Variants in GHR observed in about 807,000 individuals in gnomAD.
GHR encodes GH receptor.
A neutral mutation model predicts 67.1 loss-of-function variants in GHR; 35 were observed. The observed-to-expected ratio is 0.52, with a 90% CI of 0.40 to 0.69. GHR has a LOEUF of 0.69. Among genes scored for constraint, GHR ranks in the 30% least tolerant of loss-of-function variants. GHR has a pLI of 0.00. For missense variants in GHR, 792 were observed against 764.6 expected (o/e 1.04, Z -0.42); for synonymous variants, 272 against 269.1 (o/e 1.01, Z -0.10).
At chr5:42,457,448 A>C (rs1366957754) in intron 1 of GHR, among the ~76,000 whole-genome samples, 1 of 152,216 alleles carries the variant, frequency 6.6e-6, no homozygotes, top group Non-Finnish European at 1.5e-5. Flanking sequence ...CAGTGTTCCA[A>C]GTGATTTGCG....
At chr5:42,534,274 A>ATGTG (rs1748135124) in intron 1 of GHR, among the ~76,000 whole-genome samples, 1 of 136,204 alleles carries the variant, frequency 7.3e-6, no homozygotes, top group Non-Finnish European at 1.5e-5. Context: ...ATATGTGTAT[A>ATGTG]TATGTATATA....
chr5:42,512,959 C>G (rs750769916), intron 1 of GHR, among the ~76,000 whole-genome samples: 1 of 152,096 alleles, frequency 6.6e-6, no homozygotes, highest in Non-Finnish European at 1.5e-5. Flanking sequence ...CTTTGATGTC[C>G]TGAACTTATG....
intron 1 of GHR, among the ~76,000 whole-genome samples, chr5:42,500,917 G>T (rs879610671): frequency 2.6e-5 from 4 of 152,158 alleles, no homozygotes; most frequent in Non-Finnish European, 5.9e-5. Context: ...TGTGAGGTAC[G>T]TTTTAGAATA....
chr5:42,566,254 T>C (rs150684407), intron 2 of GHR, among the ~76,000 whole-genome samples: 1 of 152,316 alleles, frequency 6.6e-6, no homozygotes, highest in African/African-American at 2.4e-5. Context: ...GGGAGAGATA[T>C]TGAAATTACA....
At chr5:42,704,769 G>A (rs1758094728) in intron 6 of GHR, among the ~76,000 whole-genome samples, 2 of 151,938 alleles carry the variant, frequency 1.3e-5, no homozygotes, top group African/African-American at 2.4e-5. Flanking sequence ...GTAGGTTGTT[G>A]TGTGTAGGAA....
chr5:42,631,184 G>A (rs1191475096), intron 3 of GHR, among the ~76,000 whole-genome samples: 3 of 152,136 alleles, frequency 2.0e-5, no homozygotes, highest in Non-Finnish European at 4.4e-5. Context: ...ACAGCCTCTA[G>A]GTATGGAGGA....
chr5:42,657,956 C>T (rs1035744408), intron 3 of GHR, among the ~76,000 whole-genome samples: 2 of 152,090 alleles, frequency 1.3e-5, no homozygotes, highest in Admixed American at 6.6e-5. Context: ...CTTATTTTCC[C>T]AACCAGGCTG....
intron 3 of GHR, among the ~76,000 whole-genome samples, chr5:42,641,968 CA>C (rs1034996143): frequency 1.3e-5 from 2 of 151,968 alleles, no homozygotes; most frequent in African/African-American, 4.8e-5. Flanking sequence ...TTGGAAAAAC[CA>C]AAAGACTGAG....
intron 3 of GHR, among the ~76,000 whole-genome samples, chr5:42,632,196 C>A (rs1356788532): frequency 6.6e-6 from 1 of 152,160 alleles, no homozygotes; most frequent in South Asian, 2.1e-4. Flanking sequence ...TTACCATTCC[C>A]CAGGCACACT....
intron 1 of GHR, among the ~76,000 whole-genome samples, chr5:42,472,007 C>T (rs1745031729): frequency 6.6e-6 from 1 of 152,176 alleles, no homozygotes; most frequent in Non-Finnish European, 1.5e-5. Context: ...TACTTTGGGC[C>T]TTGACACTAT....
At chr5:42,653,482 G>C (rs1156973705) in intron 3 of GHR, among the ~76,000 whole-genome samples, 2 of 152,084 alleles carry the variant, frequency 1.3e-5, no homozygotes, top group African/African-American at 4.8e-5. Flanking sequence ...AATCAGAGTA[G>C]AGAAAGTCAT....
Position 42,424,783 on chromosome 5 carries a change from G to A in GHR, c.-12+828G>A, listed in dbSNP as rs1742776890. Among the ~76,000 whole-genome samples the A allele has an allele frequency of 6.6e-6, 1 of 152,236 alleles. No homozygotes were observed. The highest frequency in any genetic ancestry group is 2.1e-4 in the South Asian group (1 of 4,834). The stretch of plus-strand genomic sequence containing the variant: ...GGGCAGGGCACTTGCGAGTGCGTGG[G>A]GAAGTCTATTTGGGGCGAGTGCTTT... On this transcript the variant is annotated intron_variant, in intron 1 of 9. Coordinates refer to ENST00000230882, the MANE Select transcript of GHR (RefSeq NM_000163.5). This position sits in a 1 kb window ranked among gnomAD's most constrained non-coding sequence, Gnocchi z 4.1.
At chr5:42,575,505 A>C (rs1579971544) in intron 2 of GHR, among the ~76,000 whole-genome samples, 2 of 152,136 alleles carry the variant, frequency 1.3e-5, no homozygotes, top group African/African-American at 4.8e-5. Flanking sequence ...GTAGAATCCA[A>C]CAGTGGTGTG....
chr5:42,547,437 C>T (rs529567095), intron 1 of GHR, among the ~76,000 whole-genome samples: 2 of 152,042 alleles, frequency 1.3e-5, no homozygotes, highest in South Asian at 4.1e-4. Context: ...GTGTGAGCAG[C>T]TACAAGAATT....
At chr5:42,566,350 G>A (rs1171033211) in intron 2 of GHR, among the ~76,000 whole-genome samples, 1 of 152,148 alleles carries the variant, frequency 6.6e-6, no homozygotes, top group Non-Finnish European at 1.5e-5. Context: ...ATTCAGGCTT[G>A]TTAATCATAT....
intron 1 of GHR, among the ~76,000 whole-genome samples, chr5:42,460,430 G>A (rs1249222629): frequency 3.3e-5 from 5 of 152,084 alleles, no homozygotes; most frequent in South Asian, 2.1e-4. Context: ...TCAACTTGCC[G>A]CATGCTTTTG....
intron 3 of GHR, among the ~76,000 whole-genome samples, chr5:42,652,485 T>C (rs1330256497): frequency 6.6e-6 from 1 of 152,130 alleles, no homozygotes; most frequent in East Asian, 1.9e-4. Context: ...AACCAAGATG[T>C]TTTATTTAGT....
In GHR at chr5:42,719,590, A is replaced by T; in HGVS notation, c.*166A>T. On this transcript the variant is annotated 3_prime_UTR_variant, in exon 10 of 10. Transcript: ENST00000230882. ...AATGTTGAAATATGATGTTAAAAAA[A>T]TAAGAAGAATGCTTAATCAGATAGA... The T allele has an allele frequency of 1.5e-6, 1 of 687,462 alleles. No homozygotes were observed. 42.6% of individuals were successfully genotyped at this position (687,462 alleles called of 1,614,324 possible).
chr5:42,578,185 C>T (rs566549708), intron 2 of GHR, among the ~76,000 whole-genome samples: 1 of 151,938 alleles, frequency 6.6e-6, no homozygotes, highest in African/African-American at 2.4e-5. Context: ...GTTGCAACAA[C>T]CAAAACAACT....
Sources: allele counts gnomAD v4.1 joint callset (sites outside exome capture counted in the v4.1 genomes callset), GRCh38; gene constraint gnomAD v4.1.1; non-coding constraint Gnocchi (gnomAD v3.1); transcripts MANE v1.5; gene names NCBI Gene and HGNC (gene_info 2026-07-23, HGNC 2026-07-21).